Variants in BCAS3 observed in about 807,000 individuals in gnomAD.
BCAS3 encodes BCAS4/BCAS3 fusion.
In BCAS3, 53 loss-of-function variants were observed where a neutral mutation model predicts 116.1. The observed-to-expected ratio is 0.46, with a 90% CI of 0.37 to 0.57. BCAS3 has a LOEUF of 0.57. Among genes scored for constraint, BCAS3 ranks in the 20% least tolerant of loss-of-function variants. The probability of loss-of-function intolerance (pLI) is 0.00; values close to 1 mark genes in which losing one functional copy is unlikely to be tolerated. For missense variants in BCAS3, 917 were observed against 1,165.4 expected, an observed-to-expected ratio of 0.79 and a Z score of 3.10; for synonymous variants, 391 against 408.2, an observed-to-expected ratio of 0.96 and a Z score of 0.51.
At chr17:60,757,923 G>A (rs537564629) in intron 6 of BCAS3, among the ~76,000 whole-genome samples, 1 of 152,062 alleles carries the variant, frequency 6.6e-6, no homozygotes, top group East Asian at 1.9e-4. Flanking sequence ...AATCCATCTC[G>A]AGTTGATTTT....
chr17:60,744,374 A>G (rs1054105754), intron 5 of BCAS3, among the ~76,000 whole-genome samples: 1 of 152,242 alleles, frequency 6.6e-6, no homozygotes, highest in Non-Finnish European at 1.5e-5. Flanking sequence ...AGGCAAAATT[A>G]TCAGTGGACA....
In BCAS3 at chr17:61,332,116, C is replaced by T. The variant is rs1602747096; in HGVS notation, c.2426-36211C>T. On this transcript the variant is annotated intron_variant, in intron 22 of 23. Transcript: ENST00000407086. This position sits in a 1 kb window ranked among gnomAD's most constrained non-coding sequence, Gnocchi z 5.4. Reference sequence around the variant, plus strand: ...TCAGACAAGTGCAGAGAGTTGCCACCCAGCCCGCCGGGCTCTGGAGCTGGG... The same window carrying T: ...TCAGACAAGTGCAGAGAGTTGCCACTCAGCCCGCCGGGCTCTGGAGCTGGG... Among the ~76,000 whole-genome samples, 1 of 152,172 alleles carries T rather than the reference C, an allele frequency of 6.6e-6. No individual in the cohort carries two copies. The highest frequency in any genetic ancestry group is 2.4e-5 in the African/African-American group (1 of 41,428).
In BCAS3 at chr17:61,278,367, G is replaced by A. The variant is rs1342594911; in HGVS notation, c.2426-89960G>A. On this transcript the variant is annotated intron_variant, in intron 22 of 23. Transcript: ENST00000407086. The surrounding 1 kb of genome is among the most constrained non-coding windows in gnomAD (Gnocchi z 5.8). ...ATTTTTGTGTTTTTTGTAGAGACAG[G>A]GTTTCGCCATGTTCCCAGGCTTATC... is the stretch of plus-strand genomic sequence containing the variant. Among the ~76,000 whole-genome samples, 1 of 152,084 alleles carries A rather than the reference G, an allele frequency of 6.6e-6. No individual in the cohort carries two copies. The highest frequency in any genetic ancestry group is 1.5e-5 in the Non-Finnish European group (1 of 68,014).
intron 22 of BCAS3, among the ~76,000 whole-genome samples, chr17:61,085,645 A>G (rs1412794145): frequency 3.9e-5 from 6 of 152,134 alleles, no homozygotes; most frequent in African/African-American, 1.4e-4. Flanking sequence ...AACGTAGACT[A>G]TTACTTTAGA....
At chr17:61,173,677 G>A (rs2078984470) in intron 22 of BCAS3, among the ~76,000 whole-genome samples, 1 of 152,012 alleles carries the variant, frequency 6.6e-6, no homozygotes, top group African/African-American at 2.4e-5. Context: ...CCAGGAGTTT[G>A]AGACCAGCTT....
intron 6 of BCAS3, among the ~76,000 whole-genome samples, chr17:60,784,483 T>G (rs949383706): frequency 2.0e-5 from 3 of 151,642 alleles, no homozygotes; most frequent in African/African-American, 7.3e-5. Context: ...TTTTGTATTT[T>G]TAGTAGAGAC....
intron 22 of BCAS3, among the ~76,000 whole-genome samples, chr17:61,099,474 G>A (rs1445645348): frequency 6.6e-6 from 1 of 152,052 alleles, no homozygotes; most frequent in African/African-American, 2.4e-5. Flanking sequence ...ACTTAAACCT[G>A]GTCCTCAGTT....
intron 7 of BCAS3, among the ~76,000 whole-genome samples, chr17:60,833,735 C>T (rs1458811073): frequency 1.3e-5 from 2 of 152,158 alleles, no homozygotes; most frequent in Non-Finnish European, 2.9e-5. Flanking sequence ...TATATTTTCA[C>T]TTCACGTATT....
chr17:60,949,058 G>T (rs2060687558), intron 14 of BCAS3, among the ~76,000 whole-genome samples: 1 of 151,500 alleles, frequency 6.6e-6, no homozygotes, highest in South Asian at 2.1e-4. Flanking sequence ...TGTATGTTTA[G>T]CAGAGAAAGG....
chr17:60,892,424 C>T (rs2057224930), intron 10 of BCAS3, among the ~76,000 whole-genome samples: 1 of 150,902 alleles, frequency 6.6e-6, no homozygotes, highest in African/African-American at 2.4e-5. Context: ...GTGATTCTGT[C>T]TCAGCCTCCC....
At chr17:60,683,105 G>A (rs1598012734) in intron 2 of BCAS3, among the ~76,000 whole-genome samples, 1 of 151,840 alleles carries the variant, frequency 6.6e-6, no homozygotes, top group Non-Finnish European at 1.5e-5. Context: ...TTTTTTCCAT[G>A]TCTTTTCTAT....
chr17:60,793,541 AT>A (rs1362384262), intron 6 of BCAS3, among the ~76,000 whole-genome samples: 15 of 152,218 alleles, frequency 9.9e-5, no homozygotes, highest in Non-Finnish European at 2.9e-5. Flanking sequence ...GCAGTCTTTT[AT>A]CCATCGCCCC....
chr17:61,388,604 TTTC>T lies in BCAS3; in HGVS notation c.2594-3370_2594-3368del. The T allele has an allele frequency of 6.5e-7, 1 of 1,533,006 alleles. No individual in the cohort carries two copies. Among genetic ancestry groups the T allele is most frequent in the Non-Finnish European group, 8.7e-7 (1 of 1,146,124 alleles). The allele number at this position is 1,533,006 out of a possible 1,614,324, so 95.0% of individuals were successfully genotyped here. On this transcript the variant is annotated intron_variant, in intron 23 of 23. Coordinates refer to ENST00000407086, the MANE Select transcript of BCAS3 (RefSeq NM_017679.5). This position sits in a 1 kb window ranked among gnomAD's most constrained non-coding sequence, Gnocchi z 6.5. Reference sequence around the variant, plus strand: ...TTTTCCAAAAAGATTCCTCAATGCTTTTCTTTTCAAAAGGGAAAAAAAAAGGAA... The same window carrying T: ...TTTTCCAAAAAGATTCCTCAATGCTTTTTTCAAAAGGGAAAAAAAAAGGAA...
At chr17:60,780,356 G>A (rs1460195092) in intron 6 of BCAS3, among the ~76,000 whole-genome samples, 2 of 150,798 alleles carry the variant, frequency 1.3e-5, no homozygotes, top group African/African-American at 2.4e-5. Flanking sequence ...GTGCGGTGGA[G>A]CGATCTCGTG....
intron 22 of BCAS3, among the ~76,000 whole-genome samples, chr17:61,167,449 A>G (rs997419648): frequency 5.9e-5 from 9 of 152,196 alleles, no homozygotes; most frequent in Admixed American, 5.9e-4. Flanking sequence ...CACCTGAACT[A>G]ACTCTCTCCT....
intron 7 of BCAS3, among the ~76,000 whole-genome samples, chr17:60,812,748 ATTTAT>A (rs1391334029): frequency 6.6e-6 from 1 of 152,012 alleles, no homozygotes; most frequent in African/African-American, 2.4e-5. Flanking sequence ...GTGTTCATTT[ATTTAT>A]TTTAGAGACA....
At chr17:60,977,740 A>C (rs919032014) in intron 14 of BCAS3, among the ~76,000 whole-genome samples, 1 of 148,588 alleles carries the variant, frequency 6.7e-6, no homozygotes. Context: ...CCTATGATTG[A>C]GAATATGCGT....
In BCAS3 at chr17:60,910,725, A is replaced by G. The variant is rs764700479; in HGVS notation, c.993+23A>G. The G allele has an allele frequency of 4.4e-6, 7 of 1,575,312 alleles. No individual in the cohort carries two copies. In the Middle Eastern group the frequency reaches 5.1e-4, roughly 114 times the overall value. ...CAGGTAAGAAGAACTTTTGGTGCGT[A>G]CCATGTGTGTTACTTGCAAAGATGG... On this transcript the variant is annotated intron_variant, in intron 12 of 23. Transcript: ENST00000407086.
At chr17:61,164,154 G>A (rs1423849791) in intron 22 of BCAS3, among the ~76,000 whole-genome samples, 2 of 147,422 alleles carry the variant, frequency 1.4e-5, no homozygotes, top group Non-Finnish European at 3.0e-5. Context: ...GCCCTTAATA[G>A]AAAGTGATAA....
Sources: gnomAD v4.1 joint callset for allele counts (sites outside exome capture counted in the v4.1 genomes callset) on GRCh38, gnomAD v4.1.1 for gene constraint, Gnocchi (gnomAD v3.1) non-coding constraint, MANE v1.5 for transcripts, NCBI Gene and HGNC (gene_info 2026-07-23, HGNC 2026-07-21) for gene names.